The following TMEM205 variants were observed in gnomAD, a reference collection of about 807,000 sequenced individuals.
The protein encoded by TMEM205 is MBC3205.
TMEM205 carries 11 observed loss-of-function variants against 17.9 expected under a neutral mutation model. The observed-to-expected ratio is 0.61, with a 90% confidence interval of 0.39 to 1.02. TMEM205 has a LOEUF of 1.02. TMEM205 is among the 50% of genes least tolerant of loss of function. The pLI is 0.01. For missense variants in TMEM205, 236 were observed against 239.4 expected, an observed-to-expected ratio of 0.99 and a Z score of 0.09; for synonymous variants, 86 against 97.4, an observed-to-expected ratio of 0.88 and a Z score of 0.69.
chr19:11,345,148 G>A, intron 2 of TMEM205, 104 bp downstream of exon 2: 5 of 1,306,602 alleles, frequency 3.8e-6, no homozygotes, highest in Non-Finnish European at 5.2e-6. Flanking sequence ...GAGCCACCAT[G>A]CCTAGCCTTT....
At chr19:11,345,467 T>C in intron 1 of TMEM205, 52 bp from the exon 2 acceptor site, 1 of 1,614,008 alleles carries the variant, frequency 6.2e-7, no homozygotes, top group Non-Finnish European at 8.5e-7. Flanking sequence ...GGTTCCCCTC[T>C]TATTTCCATC....
chr19:11,343,195 T>G, intron 2 of TMEM205, 75 bp from the exon 3 acceptor site: 4 of 1,274,048 alleles, frequency 3.1e-6, no homozygotes, highest in Non-Finnish European at 4.4e-6. Flanking sequence ...TCTTTCTGCA[T>G]CCTCAACAGC....
At chr19:11,346,329 T>C, upstream of TMEM205, 1 of 535,284 alleles carries the variant, frequency 1.9e-6, no homozygotes. Context: ...GTCGTAGATC[T>C]GCACCTTTCT....
rs576069019 is a variant in TMEM205, at chr19:11,345,155, CTT to C, written c.264+95_264+96del. 7 of 1,343,234 alleles carry C rather than the reference CTT, an allele frequency of 5.2e-6. No homozygotes were observed. The African/African-American group carries it at 6.0e-5, about 12-fold the overall frequency. 83.2% of individuals were successfully genotyped at this position (1,343,234 alleles called of 1,614,324 possible). ...ACAGGCGTGAGCCACCATGCCTAGC[CTT>C]TTTTTTTCCCCCCCTGGAAAAGGTG... On this transcript the variant is annotated intron_variant, in intron 2 of 2. Coordinates refer to ENST00000354882, the MANE Select transcript of TMEM205 (RefSeq NM_198536.3).
At chr19:11,344,379 G>T (rs1022719345) in intron 2 of TMEM205, among the ~76,000 whole-genome samples, 1 of 152,028 alleles carries the variant, frequency 6.6e-6, no homozygotes, top group Admixed American at 6.6e-5. Flanking sequence ...AAAACAGTCT[G>T]TGAAGTTCTA....
Position 11,345,432 on chromosome 19 carries a change from C to T in TMEM205, c.101-17G>A. On this transcript the variant is annotated splice_polypyrimidine_tract_variant and intron_variant, in intron 1 of 2. Coordinates refer to ENST00000354882, the MANE Select transcript of TMEM205 (RefSeq NM_198536.3). ...GCAGGAAGCCTGCAGGGTATGGGGA[C>T]CACAGGGGTGTTAGGGCACTTCCCG... The T allele has an allele frequency of 6.2e-7, 1 of 1,614,082 alleles. No individual in the cohort carries two copies. Among genetic ancestry groups the T allele is most frequent in the South Asian group, 1.1e-5 (1 of 91,070 alleles).
In TMEM205 at chr19:11,345,325, C is replaced by A; in HGVS notation, c.191G>T (p.Cys64Phe). The A allele has an allele frequency of 1.9e-6, 3 of 1,614,184 alleles. No individual in the cohort carries two copies. The highest frequency in any genetic ancestry group is 2.5e-6 in the Non-Finnish European group (3 of 1,180,046). The stretch of plus-strand genomic sequence containing the variant: ...CAAGATGCAGAGGTTGATGAAGGCA[C>A]AGCCCATGGAGATGTGGAAGTAGAA... ...FPFYFHISMG[C>F]AFINLCILAS... Residue 64 changes from cysteine to phenylalanine, a missense_variant, in exon 2 of 3, where the codon TGT becomes TTT. Transcript: ENST00000354882.
Position 11,346,239 on chromosome 19 carries a change from C to T in TMEM205, c.-620G>A. ...CCCACGCCCCCGGGTGGACAGCGAC[C>T]CTCCTCGGCCGCGTCCCCTCGTGGG... is the stretch of plus-strand genomic sequence containing the variant. On this transcript the variant is annotated 5_prime_UTR_variant, in exon 1 of 3. Transcript: ENST00000354882. 3.0e-6 allele frequency: 1 copy of T among 333,082 alleles called. No individual in the cohort carries two copies. The highest frequency in any genetic ancestry group is 8.9e-5 in the East Asian group (1 of 11,174). The allele number at this position is 333,082 out of a possible 1,614,324, so 20.6% of individuals were successfully genotyped here. A position where few individuals can be genotyped will look rare whatever the true frequency, so the allele number is the denominator to read the frequency against.
upstream of TMEM205, chr19:11,346,446 G>A: frequency 1.2e-6 from 1 of 806,020 alleles, no homozygotes; most frequent in Non-Finnish European, 2.0e-6. Context: ...CAGCTGAAGC[G>A]TGAAGGCGCC....
chr19:11,345,467 T>A, intron 1 of TMEM205, 52 bp from the exon 2 acceptor site: 1 of 1,614,008 alleles, frequency 6.2e-7, no homozygotes, highest in East Asian at 2.2e-5. Flanking sequence ...GGTTCCCCTC[T>A]TATTTCCATC....
rs142660145 is a variant in TMEM205 at position 11,343,059 on chromosome 19, C to T, written c.326G>A (p.Arg109His). Residue 109 changes from arginine to histidine, a missense_variant, in exon 3 of 3, where the codon CGC (arginine) becomes CAC (histidine). By Grantham distance (29) the Arg-to-His change is conservative. Coordinates refer to ENST00000354882, the MANE Select transcript of TMEM205 (RefSeq NM_198536.3). The stretch of plus-strand genomic sequence containing the variant: ...CAGGGCCCACATGGCAGCTGTGGTG[C>T]GGGGTTCCAGCCAGCGGGCGTTGAC... Reference protein sequence around the residue: ...ATVNARWLEPRTTAAMWALQT... With the variant: ...ATVNARWLEPHTTAAMWALQT... 281 of 1,613,968 alleles carry T rather than the reference C, an allele frequency of 1.7e-4. 1 individual carries two copies. In the Middle Eastern group the frequency reaches 3.5e-3, roughly 20 times the overall value.
rs1967001602 is a variant in TMEM205 at position 11,343,056 on chromosome 19, G to T, written c.329C>A (p.Thr110Asn). 4 of 1,614,050 alleles carry T rather than the reference G, an allele frequency of 2.5e-6. No homozygotes were observed. Among genetic ancestry groups the T allele is most frequent in the East Asian group, 4.5e-5 (2 of 44,888 alleles). Residue 110 changes from threonine to asparagine, a missense_variant, in exon 3 of 3, where the codon ACC (threonine) becomes AAC (asparagine). Thr to Asn is a moderately conservative substitution (Grantham distance 65, BLOSUM62 0). Coordinates refer to ENST00000354882, the MANE Select transcript of TMEM205 (RefSeq NM_198536.3). ...TVNARWLEPR[T>N]TAAMWALQTV... ...TTGCAGGGCCCACATGGCAGCTGTG[G>T]TGCGGGGTTCCAGCCAGCGGGCGTT...
At position 11,342,924 on chromosome 19, in the gene TMEM205, C is replaced by A; in HGVS notation, c.461G>T (p.Arg154Leu). ...REKDPKYSALRQNFFRYHGLS... is the reference protein window; with the variant it reads ...REKDPKYSALLQNFFRYHGLS... The stretch of plus-strand genomic sequence containing the variant: ...CCCATGGTAGCGGAAGAAATTCTGG[C>A]GGAGAGCACTGTACTTGGGGTCCTT... Residue 154 changes from arginine to leucine, a missense_variant, in exon 3 of 3, where the codon CGC (arginine) becomes CTC (leucine). Physicochemically the swap from Arg to Leu is moderately radical, Grantham distance 102. Coordinates refer to ENST00000354882, the MANE Select transcript of TMEM205 (RefSeq NM_198536.3). The A allele has an allele frequency of 6.2e-7, 1 of 1,614,156 alleles. No homozygotes were observed. The highest frequency in any genetic ancestry group is 8.5e-7 in the Non-Finnish European group (1 of 1,180,008).
intron 1 of TMEM205, 40 bp from the exon 2 acceptor site, chr19:11,345,455 C>T (rs1463585664): frequency 4.3e-6 from 7 of 1,613,908 alleles, no homozygotes; most frequent in Middle Eastern, 3.3e-4. Context: ...AGGGCACTTC[C>T]CGGTTCCCCT....
At position 11,345,317 on chromosome 19, in the gene TMEM205, T is replaced by C; in HGVS notation, c.199A>G (p.Ile67Val). 6.2e-7 allele frequency: 1 copy of C among 1,614,154 alleles called. No individual in the cohort carries two copies. The change falls in exon 2 of 3, where the codon ATC (isoleucine) becomes GTC (valine). Residue 67 changes from isoleucine (I) to valine (V), a missense_variant. By Grantham distance (29) the Ile-to-Val change is conservative (BLOSUM62 3). Coordinates refer to ENST00000354882, the MANE Select transcript of TMEM205 (RefSeq NM_198536.3). ...YFHISMGCAF[I>V]NLCILASQHA... ...TGTGAAGCCAAGATGCAGAGGTTGA[T>C]GAAGGCACAGCCCATGGAGATGTGG... is the stretch of plus-strand genomic sequence containing the variant.
intron 2 of TMEM205, 41 bp downstream of exon 2, chr19:11,345,211 G>C (rs777141841): frequency 6.2e-7 from 1 of 1,608,388 alleles, no homozygotes; most frequent in Non-Finnish European, 8.5e-7. Context: ...GAGGTCCTGG[G>C]AACAAGTCTC....
chr19:11,346,436 CA>C, upstream of TMEM205: 1 of 759,346 alleles, frequency 1.3e-6, no homozygotes, highest in Non-Finnish European at 2.2e-6. Context: ...CTACTAAGCG[CA>C]GCTGAAGCGT....
At chr19:11,343,414 G>A (rs1967017796) in intron 2 of TMEM205, among the ~76,000 whole-genome samples, 1 of 152,200 alleles carries the variant, frequency 6.6e-6, no homozygotes, top group African/African-American at 2.4e-5. Flanking sequence ...GAAGTCCCCA[G>A]AGCAGGATCT....
chr19:11,346,337 T>C (rs764068113), upstream of TMEM205: 55 of 550,224 alleles, frequency 1.0e-4, no homozygotes, highest in Non-Finnish European at 1.7e-4. Flanking sequence ...TCTGCACCTT[T>C]CTATCCCGCC....
Sources: gnomAD v4.1 joint callset for allele counts (sites outside exome capture counted in the v4.1 genomes callset) on GRCh38, gnomAD v4.1.1 for gene constraint, MANE v1.5 for transcripts, NCBI Gene and HGNC (gene_info 2026-07-23, HGNC 2026-07-21) for gene names.